The following GPHN variants were observed in gnomAD, a reference collection of about 807,000 sequenced individuals.
The protein encoded by GPHN is gephyrin.
In GPHN, 17 loss-of-function variants were observed where a neutral mutation model predicts 95.5. The observed-to-expected ratio is 0.18, with a 90% CI of 0.12 to 0.27. The LOEUF is 0.27. Ranked by LOEUF, GPHN falls within the 10% of genes least tolerant of loss-of-function variation. GPHN has a pLI of 1.00. For missense variants in GPHN, 660 were observed against 978.1 expected (o/e 0.67, Z 4.34); for synonymous variants, 320 against 322.5 (o/e 0.99, Z 0.08).
the GPHN span, among the ~76,000 whole-genome samples, chr14:67,329,963 G>T: frequency 6.6e-6 from 1 of 151,190 alleles, no homozygotes; most frequent in Non-Finnish European, 1.5e-5. Context: ...CTCTGAATCT[G>T]TTCTTCTAGT....
At chr14:66,775,649 A>C (rs1381729916) in intron 2 of GPHN, among the ~76,000 whole-genome samples, 7 of 152,224 alleles carry the variant, frequency 4.6e-5, no homozygotes, top group Non-Finnish European at 1.0e-4. Context: ...AAGAAAAATT[A>C]CTGAATGTTT....
chr14:67,419,122 A>G, the GPHN span, among the ~76,000 whole-genome samples: 2 of 152,054 alleles, frequency 1.3e-5, no homozygotes, highest in Admixed American at 6.5e-5. Context: ...TATAGATAAG[A>G]GCCCCTTCCC....
At chr14:67,199,229 T>C in the GPHN span, 1 of 1,604,298 alleles carries the variant, frequency 6.2e-7, no homozygotes, top group Non-Finnish European at 8.5e-7. Context: ...ACCAAGGCTA[T>C]GACTTTGTGA....
chr14:66,666,587 T>C (rs1231552387), intron 1 of GPHN, among the ~76,000 whole-genome samples: 1 of 151,990 alleles, frequency 6.6e-6, no homozygotes, highest in African/African-American at 2.4e-5. Flanking sequence ...AACATCCCTT[T>C]ACTTGAAAAA....
intron 2 of GPHN, among the ~76,000 whole-genome samples, chr14:66,739,496 G>A (rs1028577513): frequency 2.7e-5 from 4 of 147,576 alleles, no homozygotes; most frequent in South Asian, 2.1e-4. Context: ...GATTACAGGC[G>A]TGAGCCACCA....
the GPHN span, chr14:67,198,309 A>C: frequency 6.2e-7 from 1 of 1,612,992 alleles, no homozygotes; most frequent in Non-Finnish European, 8.5e-7. Flanking sequence ...GTTAGAGAGC[A>C]ATTTTATCCA....
rs144274182 is a variant in GPHN, at chr14:66,999,936, G to C, written c.964-23697G>C. 1.7e-4 allele frequency among the ~76,000 whole-genome samples: 26 copies of C among 151,734 alleles called. No individual in the cohort carries two copies. The East Asian group carries it at 3.7e-3, about 21-fold the overall frequency. ...ACATCCAAGTTGTCATGCTTTTACT[G>C]GTCCAAATTGAACCCTTTACAGCCT... On this transcript the variant is annotated intron_variant, in intron 9 of 22. Coordinates refer to ENST00000478722, the MANE Select transcript of GPHN (RefSeq NM_020806.5).
At chr14:67,368,201 A>AG in the GPHN span, among the ~76,000 whole-genome samples, 13 of 152,350 alleles carry the variant, frequency 8.5e-5, no homozygotes, top group East Asian at 2.3e-3. Flanking sequence ...AGCAAGGCAG[A>AG]GCAGCGTAAA....
the GPHN span, among the ~76,000 whole-genome samples, chr14:67,203,776 G>A: frequency 3.3e-5 from 5 of 152,188 alleles, no homozygotes; most frequent in African/African-American, 9.7e-5. Context: ...GCAATGGCAC[G>A]ATCTTGGCTC....
At chr14:66,716,975 G>C (rs930792491) in intron 2 of GPHN, among the ~76,000 whole-genome samples, 2 of 152,146 alleles carry the variant, frequency 1.3e-5, no homozygotes, top group Admixed American at 1.3e-4. Context: ...TGGCTAACCT[G>C]GTGACAATAT....
the GPHN span, among the ~76,000 whole-genome samples, chr14:67,365,869 T>C: frequency 6.6e-6 from 1 of 152,214 alleles, no homozygotes; most frequent in African/African-American, 2.4e-5. Context: ...TAATTTTTTT[T>C]ATTATAGCCT....
the GPHN span, among the ~76,000 whole-genome samples, chr14:67,468,114 C>G: frequency 0.073 from 11,152 of 152,146 alleles, 499 homozygotes; most frequent in Middle Eastern, 0.12. Flanking sequence ...GCTGGGATTA[C>G]AGGCATACGC....
intron 1 of GPHN, among the ~76,000 whole-genome samples, chr14:66,666,444 A>G (rs1022361158): frequency 1.3e-5 from 2 of 151,948 alleles, no homozygotes; most frequent in South Asian, 2.1e-4. Flanking sequence ...AGAGTTAAAT[A>G]GGCTTTATCC....
chr14:67,333,072 T>C, the GPHN span: 2 of 890,324 alleles, frequency 2.2e-6, no homozygotes, highest in Non-Finnish European at 3.4e-6. Flanking sequence ...GTATAAGCTG[T>C]AGATCTGTTC....
intron 1 of GPHN, among the ~76,000 whole-genome samples, chr14:66,550,110 T>C (rs904126517): frequency 2.0e-5 from 3 of 152,224 alleles, no homozygotes; most frequent in African/African-American, 4.8e-5. Flanking sequence ...CAGCTTTCAA[T>C]TCATATTAAG....
At chr14:66,953,539 T>A (rs2068266139) in intron 8 of GPHN, among the ~76,000 whole-genome samples, 2 of 152,322 alleles carry the variant, frequency 1.3e-5, no homozygotes, top group African/African-American at 4.8e-5. Flanking sequence ...TTCTTTTGCA[T>A]ATGGATATGC....
intron 3 of GPHN, among the ~76,000 whole-genome samples, chr14:66,786,350 A>G (rs1413730188): frequency 1.3e-5 from 2 of 152,086 alleles, no homozygotes; most frequent in Non-Finnish European, 2.9e-5. Context: ...GAAATAGACA[A>G]TCTACATGGT....
chr14:66,573,733 G>A (rs1841939504), intron 1 of GPHN, among the ~76,000 whole-genome samples: 1 of 152,040 alleles, frequency 6.6e-6, no homozygotes, highest in African/African-American at 2.4e-5. Context: ...GGGATTACAG[G>A]CGTGAGCCAC....
the GPHN span, among the ~76,000 whole-genome samples, chr14:67,710,873 C>T: frequency 6.6e-6 from 1 of 151,820 alleles, no homozygotes; most frequent in Non-Finnish European, 1.5e-5. Context: ...ATTACATTTA[C>T]CTAATTATTT....
Sources: allele counts gnomAD v4.1 joint callset (sites outside exome capture counted in the v4.1 genomes callset), GRCh38; gene constraint gnomAD v4.1.1; transcripts MANE v1.5; gene names NCBI Gene and HGNC (gene_info 2026-07-23, HGNC 2026-07-21).